Variants in GSTA1 observed in about 807,000 individuals in gnomAD.
GSTA1 encodes the protein glutathione S-transferase alpha 1.
Under a neutral mutation model 21.5 loss-of-function variants are expected in GSTA1, and 23 were observed. The observed-to-expected ratio is 1.07, with a 90% CI of 0.77 to 1.52. The LOEUF (loss-of-function observed/expected upper bound fraction) is 1.52, where lower values mean the gene tolerates loss of function less well. Among genes scored for constraint, GSTA1 ranks in the 40% most tolerant of loss-of-function variants. The pLI is 0.00. For synonymous variants in GSTA1, 125 were observed against 90.0 expected, an observed-to-expected ratio of 1.39 and a Z score of -2.20; for missense variants, 301 against 264.2, an observed-to-expected ratio of 1.14 and a Z score of -0.96.
chr6:52,800,923 C>G (rs1358949838), intron 1 of GSTA1, among the ~76,000 whole-genome samples: 3 of 151,866 alleles, frequency 2.0e-5, no homozygotes, highest in Admixed American at 1.3e-4. Context: ...CTGTTTTTGC[C>G]CAGGCTGGAG....
chr6:52,799,868 C>G (rs1001402223), intron 1 of GSTA1, among the ~76,000 whole-genome samples: 2 of 152,188 alleles, frequency 1.3e-5, no homozygotes, highest in African/African-American at 4.8e-5. Flanking sequence ...GGCCATGAAA[C>G]CAGAGGATGT....
At chr6:52,798,026 A>G (rs1480230081) in intron 2 of GSTA1, among the ~76,000 whole-genome samples, 1 of 152,196 alleles carries the variant, frequency 6.6e-6, no homozygotes, top group East Asian at 1.9e-4. Flanking sequence ...AGCATGAGGC[A>G]TGCCATGGGC....
intron 2 of GSTA1, among the ~76,000 whole-genome samples, chr6:52,798,825 T>C (rs1424472284): frequency 6.6e-6 from 1 of 151,962 alleles, no homozygotes; most frequent in Non-Finnish European, 1.5e-5. Flanking sequence ...CCATAGTACA[T>C]TATCACACAT....
intron 1 of GSTA1, among the ~76,000 whole-genome samples, chr6:52,803,303 A>C (rs1210971712): frequency 6.6e-6 from 1 of 152,174 alleles, no homozygotes; most frequent in Admixed American, 6.5e-5. Flanking sequence ...ATTAGTGGCA[A>C]AGGCTCAACT....
In GSTA1 at chr6:52,798,358, A is replaced by G. The variant is rs1315738060; in HGVS notation, c.88-721T>C. Among the ~76,000 whole-genome samples the G allele has an allele frequency of 2.6e-4, 34 of 130,780 alleles. 1 individual carries two copies. The highest frequency in any genetic ancestry group is 1.0e-3 in the African/African-American group (34 of 34,024). The allele number at this position is 130,780 out of a possible 152,430, so 85.8% of individuals were successfully genotyped here. ...CACGTGTTTATTTCTCTGCATCCTC[A>G]TAGACACGTAGGCTGCCCCAGGGCA... On this transcript the variant is annotated intron_variant, in intron 2 of 6. Coordinates refer to ENST00000334575, the MANE Select transcript of GSTA1 (RefSeq NM_145740.5).
intron 1 of GSTA1, among the ~76,000 whole-genome samples, chr6:52,801,332 C>A (rs1165212187): frequency 3.3e-5 from 5 of 152,314 alleles, no homozygotes; most frequent in South Asian, 2.1e-4. Context: ...CCTGTTTTGT[C>A]ATGAGATATT....
intron 5 of GSTA1, 138 bp downstream of exon 5, chr6:52,793,987 C>T: frequency 3.0e-6 from 3 of 999,634 alleles, no homozygotes; most frequent in East Asian, 2.4e-5. Context: ...TCATAAAATG[C>T]CTTGAGAGTC....
intron 6 of GSTA1, chr6:52,792,611 C>A (rs982527613): frequency 3.6e-6 from 3 of 834,572 alleles, no homozygotes; most frequent in African/African-American, 1.7e-5. Context: ...GATGCTGGGC[C>A]CTGGGTTCTT....
rs946637527 is a variant in GSTA1 at position 52,791,385 on chromosome 6, A to T, written c.*473T>A. Among the ~76,000 whole-genome samples, 1 of 152,250 alleles carries T rather than the reference A, an allele frequency of 6.6e-6. No homozygotes were observed. Among genetic ancestry groups the T allele is most frequent in the Non-Finnish European group, 1.5e-5 (1 of 68,032 alleles). ...CAGAATCATTGTTTTGCAAATGCAT[A>T]AGAAAGAACGCTTTTATCAGAAATA... On this transcript the variant is annotated 3_prime_UTR_variant, in exon 7 of 7. Coordinates refer to ENST00000334575, the MANE Select transcript of GSTA1 (RefSeq NM_145740.5).
At chr6:52,793,279 C>A (rs1478696406) in intron 5 of GSTA1, among the ~76,000 whole-genome samples, 1 of 152,144 alleles carries the variant, frequency 6.6e-6, no homozygotes, top group African/African-American at 2.4e-5. Flanking sequence ...GGGCTTAGCA[C>A]CTGCCTCCAT....
Position 52,795,827 on chromosome 6 carries a change from C to A in GSTA1, c.272+355G>T, listed in dbSNP as rs551308127. Among the ~76,000 whole-genome samples the A allele has an allele frequency of 2.2e-3, 341 of 152,238 alleles. 2 individuals carry two copies. The Middle Eastern group carries it at 0.024, about 11-fold the overall frequency. On this transcript the variant is annotated intron_variant, in intron 4 of 6. Transcript: ENST00000334575. ...CCCCAGTCCTTCATCTACAGACTCT[C>A]ACATATTCTATGCCTGTCCTAAACT...
chr6:52,792,860 A>G lies in GSTA1; in HGVS notation c.542T>C (p.Leu181Pro), dbSNP rs1186727593. The G allele has an allele frequency of 3.1e-6, 5 of 1,613,880 alleles. No individual in the cohort carries two copies. The South Asian group carries it at 3.3e-5, about 11-fold the overall frequency. The part of the protein sequence containing the change: ...DSSLISSFPL[L>P]KALKTRISNL... ...CTGGGCTGTGAAATGGGTCACCTTC[A>G]GCAGAGGGAAGCTGGAGATAAGACT... The change falls in exon 6 of 7, where the codon CTG becomes CCG. Residue 181 changes from leucine to proline, a missense_variant. Physicochemically the swap from Leu to Pro is moderately conservative, Grantham distance 98. Coordinates refer to ENST00000334575, the MANE Select transcript of GSTA1 (RefSeq NM_145740.5).
At chr6:52,796,469 ATATATATATATATATATATATGTG>A (rs1208730315) in intron 3 of GSTA1, among the ~76,000 whole-genome samples, 155 bp from the exon 4 acceptor site, 1,059 of 64,194 alleles carry the variant, frequency 0.016, 145 homozygotes, top group Non-Finnish European at 0.022. Flanking sequence ...ATATATATAT[ATATATATATATATATATATATGTG>A]TGTGTGTGTG....
intron 2 of GSTA1, among the ~76,000 whole-genome samples, chr6:52,798,617 T>G (rs1025199204): frequency 5.7e-5 from 7 of 123,474 alleles, no homozygotes; most frequent in African/African-American, 2.2e-4. Flanking sequence ...TGAATAAATA[T>G]AAACAGAAAA....
intron 6 of GSTA1, 116 bp from the exon 7 acceptor site, chr6:52,792,096 C>T: frequency 7.0e-7 from 1 of 1,437,544 alleles, no homozygotes; most frequent in Non-Finnish European, 9.5e-7. Context: ...TCCATCAGCA[C>T]AAGCATGGAG....
At chr6:52,800,760 G>A (rs1763697188) in intron 1 of GSTA1, among the ~76,000 whole-genome samples, 1 of 152,210 alleles carries the variant, frequency 6.6e-6, no homozygotes, top group African/African-American at 2.4e-5. Context: ...CTTAGGAACA[G>A]TTGCGTTTTC....
chr6:52,796,543 A>ATTT (rs34109072), intron 3 of GSTA1, among the ~76,000 whole-genome samples: 274 of 23,736 alleles, frequency 0.012, 18 homozygotes, highest in Middle Eastern at 0.026. Context: ...ATATATATAT[A>ATTT]TTTTTTTTTT....
intron 1 of GSTA1, among the ~76,000 whole-genome samples, chr6:52,801,641 C>T (rs1307923070): frequency 6.6e-6 from 1 of 152,150 alleles, no homozygotes; most frequent in Admixed American, 6.5e-5. Context: ...GTGAGGTTTC[C>T]AAGGGTCAGG....
intron 1 of GSTA1, among the ~76,000 whole-genome samples, chr6:52,802,555 T>C (rs903505586): frequency 1.7e-4 from 26 of 152,218 alleles, no homozygotes; most frequent in Non-Finnish European, 3.1e-4. Context: ...TCTGGACATA[T>C]TGAGTAGCCC....
Sources: gnomAD v4.1 joint callset for allele counts (sites outside exome capture counted in the v4.1 genomes callset) on GRCh38, gnomAD v4.1.1 for gene constraint, MANE v1.5 for transcripts, NCBI Gene and HGNC (gene_info 2026-07-23, HGNC 2026-07-21) for gene names.